The following MYRIP variants were observed in gnomAD, a reference collection of about 807,000 sequenced individuals.
The protein encoded by MYRIP is myosin VIIA and Rab interacting protein, also known as rab effector MyRIP.
In MYRIP, 49 loss-of-function variants were observed where a neutral mutation model predicts 98.0. That is an observed-to-expected ratio of 0.50 (90% CI 0.40 to 0.63). The LOEUF (loss-of-function observed/expected upper bound fraction) is 0.63. Among genes scored for constraint, MYRIP ranks in the 30% least tolerant of loss-of-function variants. The probability of loss-of-function intolerance (pLI) is 0.00; values close to 1 mark genes in which losing one functional copy is unlikely to be tolerated. For missense variants in MYRIP, 1,004 were observed against 1,058.2 expected, an observed-to-expected ratio of 0.95 and a Z score of 0.71; for synonymous variants, 404 against 409.5, an observed-to-expected ratio of 0.99 and a Z score of 0.16.
chr3:40,105,473 C>A (rs528743945), intron 3 of MYRIP, among the ~76,000 whole-genome samples: 7 of 152,100 alleles, frequency 4.6e-5, no homozygotes, highest in Admixed American at 6.6e-5. Context: ...AGCCTTTACT[C>A]ATGGTGGAAG....
At chr3:39,930,814 G>T (rs1944522132) in intron 2 of MYRIP, among the ~76,000 whole-genome samples, 1 of 151,938 alleles carries the variant, frequency 6.6e-6, no homozygotes, top group Non-Finnish European at 1.5e-5. Context: ...TGGTATCCTT[G>T]TCTATAACCA....
At chr3:40,221,396 C>T (rs1952333047) in intron 11 of MYRIP, among the ~76,000 whole-genome samples, 1 of 152,050 alleles carries the variant, frequency 6.6e-6, no homozygotes, top group South Asian at 2.1e-4. Flanking sequence ...TTTAGGAGGC[C>T]AAGGCAAGCA....
At chr3:40,058,018 T>C (rs1947917988) in intron 3 of MYRIP, among the ~76,000 whole-genome samples, 1 of 152,208 alleles carries the variant, frequency 6.6e-6, no homozygotes, top group African/African-American at 2.4e-5. Context: ...TACTATGATG[T>C]TTTCATTTTG....
At chr3:39,959,925 A>C (rs1335757697) in intron 2 of MYRIP, among the ~76,000 whole-genome samples, 2 of 152,114 alleles carry the variant, frequency 1.3e-5, no homozygotes, top group Admixed American at 6.6e-5. Flanking sequence ...CCCCCATGTG[A>C]GCAGGCTGAA....
intron 2 of MYRIP, among the ~76,000 whole-genome samples, chr3:39,965,205 T>G (rs1221123970): frequency 6.6e-6 from 1 of 152,146 alleles, no homozygotes; most frequent in Non-Finnish European, 1.5e-5. Flanking sequence ...GGATTTTACC[T>G]TCTTTATGTA....
chr3:39,960,558 T>G (rs1227617793), intron 2 of MYRIP, among the ~76,000 whole-genome samples: 1 of 152,190 alleles, frequency 6.6e-6, no homozygotes, highest in Non-Finnish European at 1.5e-5. Context: ...AAAGAATTGA[T>G]TCAGCTTTGC....
In MYRIP at chr3:39,975,367, A is replaced by T. The variant is rs1053540117; in HGVS notation, c.111-68683A>T. Among the ~76,000 whole-genome samples the T allele has an allele frequency of 1.2e-4, 19 of 152,188 alleles. No homozygotes were observed. The East Asian group carries it at 2.9e-3, about 23-fold the overall frequency. On this transcript the variant is annotated intron_variant, in intron 2 of 16. Coordinates refer to ENST00000302541, the MANE Select transcript of MYRIP (RefSeq NM_015460.4). ...GACGTGAAGGACCTCTTCAAGGAGAACTACAAACCACTGCTCAAGGAAATA... is the reference window on the plus strand; with the variant it reads ...GACGTGAAGGACCTCTTCAAGGAGATCTACAAACCACTGCTCAAGGAAATA...
At chr3:39,999,143 A>G (rs1357387080) in intron 2 of MYRIP, among the ~76,000 whole-genome samples, 6 of 152,244 alleles carry the variant, frequency 3.9e-5, no homozygotes, top group Admixed American at 6.5e-5. Flanking sequence ...CTAAAACACC[A>G]AAAGCAATGG....
At chr3:40,108,844 TA>T (rs1203373067) in intron 3 of MYRIP, among the ~76,000 whole-genome samples, 2 of 152,176 alleles carry the variant, frequency 1.3e-5, no homozygotes, top group African/African-American at 2.4e-5. Flanking sequence ...CTAGAGATAG[TA>T]AATGGCTCAC....
At chr3:40,178,248 G>A (rs1440822281) in intron 8 of MYRIP, among the ~76,000 whole-genome samples, 2 of 152,098 alleles carry the variant, frequency 1.3e-5, no homozygotes, top group African/African-American at 4.8e-5. Flanking sequence ...ATGGTTCCAA[G>A]GGATATAAGT....
chr3:39,988,075 C>T (rs935864952), intron 2 of MYRIP, among the ~76,000 whole-genome samples: 1 of 152,034 alleles, frequency 6.6e-6, no homozygotes, highest in African/African-American at 2.4e-5. Flanking sequence ...AAACCAAACA[C>T]CGCATATTCT....
At chr3:40,253,691 G>A (rs561711848) in intron 16 of MYRIP, among the ~76,000 whole-genome samples, 229 of 152,288 alleles carry the variant, frequency 1.5e-3, no homozygotes, top group Middle Eastern at 0.01. Flanking sequence ...TCTAGAATCA[G>A]TATTGACAAT....
At chr3:39,900,963 C>A in intron 2 of MYRIP, 37 bp downstream of exon 2, 1 of 1,499,690 alleles carries the variant, frequency 6.7e-7, no homozygotes, top group Non-Finnish European at 9.2e-7. Flanking sequence ...GTACAGCAAA[C>A]CACATGTGGA....
At chr3:39,857,988 T>A (rs1382149345) in intron 1 of MYRIP, among the ~76,000 whole-genome samples, 1 of 152,050 alleles carries the variant, frequency 6.6e-6, no homozygotes, top group Non-Finnish European at 1.5e-5. Context: ...ACAAAGGAAC[T>A]ACAAAGCAGC....
intron 3 of MYRIP, among the ~76,000 whole-genome samples, chr3:40,069,784 G>T (rs1948188815): frequency 6.6e-6 from 1 of 152,162 alleles, no homozygotes; most frequent in South Asian, 2.1e-4. Flanking sequence ...TGCGGAGAGG[G>T]ATGGTTTCAG....
chr3:39,885,817 G>A (rs7642795), intron 1 of MYRIP, among the ~76,000 whole-genome samples: 4,052 of 151,882 alleles, frequency 0.027, 195 homozygotes, highest in African/African-American at 0.092. Flanking sequence ...CATTCTTCAC[G>A]TAGTTCTCAA....
At chr3:40,141,767 TA>T (rs1470023396) in intron 3 of MYRIP, among the ~76,000 whole-genome samples, 1 of 152,186 alleles carries the variant, frequency 6.6e-6, no homozygotes, top group Non-Finnish European at 1.5e-5. Context: ...ATATGCGGCT[TA>T]ATTTGGGGGT....
intron 12 of MYRIP, among the ~76,000 whole-genome samples, chr3:40,243,476 C>T (rs1953089982): frequency 6.7e-6 from 1 of 150,246 alleles, no homozygotes; most frequent in African/African-American, 2.5e-5. Context: ...ATATTTTTAA[C>T]TCAAATTAAG....
chr3:39,965,805 G>A (rs1945425546), intron 2 of MYRIP, among the ~76,000 whole-genome samples: 1 of 152,010 alleles, frequency 6.6e-6, no homozygotes, highest in Non-Finnish European at 1.5e-5. Flanking sequence ...CAAATACCTG[G>A]GGAGTGTAGC....
Sources: allele counts gnomAD v4.1 joint callset (sites outside exome capture counted in the v4.1 genomes callset), GRCh38; gene constraint gnomAD v4.1.1; transcripts MANE v1.5; gene names NCBI Gene and HGNC (gene_info 2026-07-23, HGNC 2026-07-21).